The following SGCZ variants were observed in gnomAD, a reference collection of about 807,000 sequenced individuals.
The protein encoded by SGCZ is sarcoglycan zeta.
A neutral mutation model predicts 41.3 loss-of-function variants in SGCZ; 40 were observed. The observed-to-expected ratio is 0.97, with a 90% confidence interval of 0.75 to 1.26. SGCZ has a LOEUF of 1.26. Among genes scored for constraint, SGCZ ranks in the 50% most tolerant of loss-of-function variants. The pLI is 0.00. For missense variants in SGCZ, 552 were observed against 369.8 expected (o/e 1.49, Z -4.04); for synonymous variants, 206 against 137.5 (o/e 1.50, Z -3.49).
chr8:15,231,610 CTTTTTTTTTTTT>C lies in SGCZ; in HGVS notation c.39+5963_39+5974del, dbSNP rs914572473. Among the ~76,000 whole-genome samples, 3 of 72,102 alleles carry C rather than the reference CTTTTTTTTTTTT, an allele frequency of 4.2e-5. 1 individual carries two copies. Among genetic ancestry groups the C allele is most frequent in the African/African-American group, 1.1e-4 (2 of 18,550 alleles). The allele number at this position is 72,102 out of a possible 152,430, so 47.3% of individuals were successfully genotyped here. ...TAAAAACTTTGGATGTTAATATATTCTTTTTTTTTTTTTTTTTTTTTTTTTTTTGGAGACAGG... is the reference window on the plus strand; with the variant it reads ...TAAAAACTTTGGATGTTAATATATTCTTTTTTTTTTTTTTTTGGAGACAGG... On this transcript the variant is annotated intron_variant, in intron 1 of 7. Coordinates refer to ENST00000382080, the MANE Select transcript of SGCZ (RefSeq NM_139167.4).
intron 1 of SGCZ, among the ~76,000 whole-genome samples, chr8:15,070,405 T>G (rs1437864350): frequency 6.6e-6 from 1 of 152,152 alleles, no homozygotes; most frequent in East Asian, 1.9e-4. Context: ...AACTGACACT[T>G]TTGGTAGGTA....
Position 15,116,202 on chromosome 8 carries a change from C to T in SGCZ, c.39+121383G>A, listed in dbSNP as rs112469276. On this transcript the variant is annotated intron_variant, in intron 1 of 7. Coordinates refer to ENST00000382080, the MANE Select transcript of SGCZ (RefSeq NM_139167.4). The stretch of plus-strand genomic sequence containing the variant: ...ACAACTCTTCATTTTTAAATGTAAG[C>T]TCTGTATTTAAAAAAAATAGGAATG... Among the ~76,000 whole-genome samples the T allele has an allele frequency of 4.5e-3, 680 of 152,216 alleles. 6 individuals carry two copies. Among genetic ancestry groups the T allele is most frequent in the African/African-American group, 0.016 (660 of 41,532 alleles).
At chr8:14,386,631 T>G (rs1804588585) in intron 2 of SGCZ, among the ~76,000 whole-genome samples, 1 of 152,320 alleles carries the variant, frequency 6.6e-6, no homozygotes, top group South Asian at 2.1e-4. Context: ...AATAAATTAT[T>G]TCTCTAAATT....
At chr8:14,732,416 G>A (rs1218831190) in intron 1 of SGCZ, among the ~76,000 whole-genome samples, 1 of 152,112 alleles carries the variant, frequency 6.6e-6, no homozygotes, top group Non-Finnish European at 1.5e-5. Context: ...GAAAATAAAT[G>A]AATCAAAACA....
chr8:14,695,508 T>C (rs904821519), intron 1 of SGCZ, among the ~76,000 whole-genome samples: 1 of 152,004 alleles, frequency 6.6e-6, no homozygotes, highest in African/African-American at 2.4e-5. Flanking sequence ...GCAACTGGGG[T>C]GTCACTACCA....
chr8:14,772,434 T>C (rs1800270963), intron 1 of SGCZ, among the ~76,000 whole-genome samples: 2 of 151,936 alleles, frequency 1.3e-5, no homozygotes, highest in Non-Finnish European at 2.9e-5. Context: ...TTCTTTTTTT[T>C]TTCATTATTA....
chr8:14,473,225 A>C (rs1801262138), intron 2 of SGCZ, among the ~76,000 whole-genome samples: 1 of 152,180 alleles, frequency 6.6e-6, no homozygotes, highest in Non-Finnish European at 1.5e-5. Flanking sequence ...TGTATTAGAG[A>C]AACAGATAAA....
intron 1 of SGCZ, among the ~76,000 whole-genome samples, chr8:14,796,162 G>C (rs1481996086): frequency 6.6e-5 from 10 of 152,152 alleles, no homozygotes; most frequent in South Asian, 2.1e-4. Context: ...TATAATAGAA[G>C]GGTTTATATT....
chr8:14,141,405 TG>T (rs1429605053), intron 5 of SGCZ, among the ~76,000 whole-genome samples: 1 of 152,202 alleles, frequency 6.6e-6, no homozygotes, highest in Admixed American at 6.5e-5. Flanking sequence ...AGAAAATTTC[TG>T]TAATCAATCC....
At position 14,164,848 on chromosome 8, in the gene SGCZ, T is replaced by A. The variant is rs971826167; in HGVS notation, c.425-146A>T. ...TTGCATCTGAGTTAGTATCTTTAAATTGTCACCATTTTCAGGAGGCTAATT... is the reference window on the plus strand; with the variant it reads ...TTGCATCTGAGTTAGTATCTTTAAAATGTCACCATTTTCAGGAGGCTAATT... On this transcript the variant is annotated intron_variant, in intron 4 of 7. Coordinates refer to ENST00000382080, the MANE Select transcript of SGCZ (RefSeq NM_139167.4). 7.4e-6 allele frequency: 8 copies of A among 1,076,496 alleles called. No homozygotes were observed. The African/African-American group carries it at 9.6e-5, about 13-fold the overall frequency. The allele number at this position is 1,076,496 out of a possible 1,614,324, so 66.7% of individuals were successfully genotyped here.
chr8:15,075,470 A>G (rs1036229758), intron 1 of SGCZ, among the ~76,000 whole-genome samples: 9 of 152,168 alleles, frequency 5.9e-5, no homozygotes, highest in African/African-American at 1.7e-4. Context: ...TTAAAGTTAC[A>G]TGGTGGCATA....
chr8:15,004,281 G>T (rs1802523773), intron 1 of SGCZ, among the ~76,000 whole-genome samples: 1 of 152,100 alleles, frequency 6.6e-6, no homozygotes, highest in Non-Finnish European at 1.5e-5. Context: ...GCGATAATGA[G>T]CAAGGCAGTC....
intron 2 of SGCZ, among the ~76,000 whole-genome samples, chr8:14,490,083 G>A (rs1159485609): frequency 6.6e-6 from 1 of 152,026 alleles, no homozygotes; most frequent in Non-Finnish European, 1.5e-5. Context: ...GGTCAGGCTG[G>A]TCTCAAACTC....
At chr8:14,887,403 A>G (rs965943083) in intron 1 of SGCZ, among the ~76,000 whole-genome samples, 2 of 152,150 alleles carry the variant, frequency 1.3e-5, no homozygotes, top group Admixed American at 6.6e-5. Context: ...CTGCATTATC[A>G]TTTTACATCT....
intron 1 of SGCZ, among the ~76,000 whole-genome samples, chr8:14,734,728 A>G (rs1798974651): frequency 6.6e-6 from 1 of 152,174 alleles, no homozygotes. Context: ...CATAGTATTA[A>G]ACAAGAAAAG....
At position 14,152,515 on chromosome 8, in the gene SGCZ, A is replaced by C. The variant is rs375395781; in HGVS notation, c.547+12065T>G. ...CCTGTCTCTTAAAGCACAATGAAAT[A>C]TCACTACACAGCTGTTATCATATGA... is the stretch of plus-strand genomic sequence containing the variant. On this transcript the variant is annotated intron_variant, in intron 5 of 7. Transcript: ENST00000382080. Among the ~76,000 whole-genome samples the C allele has an allele frequency of 2.5e-4, 38 of 152,298 alleles. No homozygotes were observed. In the South Asian group the frequency reaches 7.5e-3, roughly 30 times the overall value.
chr8:14,132,754 C>G (rs540682113), intron 5 of SGCZ, among the ~76,000 whole-genome samples: 1 of 152,232 alleles, frequency 6.6e-6, no homozygotes, highest in Admixed American at 6.5e-5. Context: ...TTGTGACTTT[C>G]TGTTGCAAAC....
At chr8:14,766,727 A>AT (rs33955290) in intron 1 of SGCZ, among the ~76,000 whole-genome samples, 8,883 of 92,926 alleles carry the variant, frequency 0.096, 1,089 homozygotes, top group African/African-American at 0.3. Flanking sequence ...ATGTCCAGCT[A>AT]TTTTTTTTTT....
At chr8:14,107,770 C>G (rs1802251215) in intron 6 of SGCZ, among the ~76,000 whole-genome samples, 1 of 152,166 alleles carries the variant, frequency 6.6e-6, no homozygotes, top group South Asian at 2.1e-4. Flanking sequence ...TCCTGACTAA[C>G]TTGGACTACA....
Sources: allele counts gnomAD v4.1 joint callset (sites outside exome capture counted in the v4.1 genomes callset), GRCh38; gene constraint gnomAD v4.1.1; transcripts MANE v1.5; gene names NCBI Gene and HGNC (gene_info 2026-07-23, HGNC 2026-07-21).